The following ABHD2 variants were observed in gnomAD, a reference collection of about 807,000 sequenced individuals.
The protein encoded by ABHD2 is monoacylglycerol lipase ABHD2.
Under a neutral mutation model 48.1 loss-of-function variants are expected in ABHD2, and 20 were observed. The ratio of observed to expected loss-of-function variants is 0.42; its 90% CI spans 0.29 to 0.60. ABHD2 has a LOEUF of 0.60. Ranked by LOEUF, ABHD2 falls within the 20% of genes least tolerant of loss-of-function variation. ABHD2 has a pLI of 0.24. For synonymous variants in ABHD2, 209 were observed against 214.2 expected, an observed-to-expected ratio of 0.98 and a Z score of 0.21; for missense variants, 405 against 550.9, an observed-to-expected ratio of 0.74 and a Z score of 2.65.
In ABHD2 at chr15:89,100,001, C is replaced by A. The variant is rs1368740228; in HGVS notation, c.-107+11438C>A. Reference sequence around the variant, plus strand: ...TAGATTCTAGGATGAGAGTCTTTACCCTAACTTATGGTTCACAGATTTAAT... The same window carrying A: ...TAGATTCTAGGATGAGAGTCTTTACACTAACTTATGGTTCACAGATTTAAT... On this transcript the variant is annotated intron_variant, in intron 1 of 10. Transcript: ENST00000352732. The surrounding 1 kb of genome is among the most constrained non-coding windows in gnomAD (Gnocchi z 4.4). Among the ~76,000 whole-genome samples the A allele has an allele frequency of 6.6e-6, 1 of 152,006 alleles. No individual in the cohort carries two copies. Among genetic ancestry groups the A allele is most frequent in the Non-Finnish European group, 1.5e-5 (1 of 68,002 alleles).
rs1312299146 is a variant in ABHD2, at chr15:89,188,631, A to G, written c.926+328A>G. 6.6e-6 allele frequency among the ~76,000 whole-genome samples: 1 copy of G among 152,212 alleles called. No homozygotes were observed. The highest frequency in any genetic ancestry group is 1.5e-5 in the Non-Finnish European group (1 of 68,048). On this transcript the variant is annotated intron_variant, in intron 8 of 10. Transcript: ENST00000352732. The surrounding 1 kb of genome is among the most constrained non-coding windows in gnomAD (Gnocchi z 4.1). ...CCTGTCCTGCCTCAACACCAGGGCA[A>G]GTGTCAGGTGCCACATAAATCTGCA...
the ABHD2 span, among the ~76,000 whole-genome samples, chr15:89,067,312 G>T: frequency 1.3e-5 from 2 of 152,226 alleles, no homozygotes; most frequent in African/African-American, 2.4e-5. Context: ...TGACAGTTTA[G>T]CATTTTCTTT....
chr15:89,148,684 C>T (rs1372466465), intron 3 of ABHD2, among the ~76,000 whole-genome samples: 2 of 152,238 alleles, frequency 1.3e-5, no homozygotes, highest in African/African-American at 2.4e-5. Context: ...GGCAGTCCTT[C>T]TGCCACCTTC....
chr15:89,144,151 T>G (rs1401910512), intron 3 of ABHD2, among the ~76,000 whole-genome samples: 1 of 152,180 alleles, frequency 6.6e-6, no homozygotes, highest in Non-Finnish European at 1.5e-5. Context: ...TCTTTTTTTT[T>G]GAGATACGGT....
Position 89,201,799 on chromosome 15 carries a change from C to G in ABHD2, c.*6376C>G, listed in dbSNP as rs2051468238. 1 of 1,389,306 alleles carries G rather than the reference C, an allele frequency of 7.2e-7. No homozygotes were observed. Among genetic ancestry groups the G allele is most frequent in the African/African-American group, 1.4e-5 (1 of 69,752 alleles). The allele number at this position is 1,389,306 out of a possible 1,614,324, so 86.1% of individuals were successfully genotyped here. Reference sequence around the variant, plus strand: ...TTCGCCGTGGCCCCGGAGGCAGACGCCATTGGAGAGACAGCGCAGAGCAGG... The same window carrying G: ...TTCGCCGTGGCCCCGGAGGCAGACGGCATTGGAGAGACAGCGCAGAGCAGG... On this transcript the variant is annotated 3_prime_UTR_variant, in exon 11 of 11. Transcript: ENST00000352732.
chr15:89,121,092 G>C (rs185417768), intron 3 of ABHD2, among the ~76,000 whole-genome samples: 13 of 152,288 alleles, frequency 8.5e-5, no homozygotes, highest in Admixed American at 7.8e-4. Context: ...TTTCCTGATG[G>C]CTGCTGGCAA....
chr15:89,051,474 G>C, the ABHD2 span, among the ~76,000 whole-genome samples: 1 of 152,146 alleles, frequency 6.6e-6, no homozygotes, highest in Non-Finnish European at 1.5e-5. Flanking sequence ...AATGGCTCAA[G>C]GGAGGGACAG....
intron 3 of ABHD2, among the ~76,000 whole-genome samples, chr15:89,121,972 G>A (rs542602967): frequency 2.0e-4 from 31 of 152,214 alleles, no homozygotes; most frequent in African/African-American, 7.2e-4. Context: ...GACTACAGGT[G>A]GGCACCACAA....
chr15:89,055,323 C>CT, the ABHD2 span, among the ~76,000 whole-genome samples: 9,793 of 124,710 alleles, frequency 0.079, 436 homozygotes, highest in Non-Finnish European at 0.094. Flanking sequence ...ACACTAGTTT[C>CT]TTTTTTTTTT....
intron 3 of ABHD2, among the ~76,000 whole-genome samples, chr15:89,132,124 T>C (rs2050229402): frequency 6.6e-6 from 1 of 152,008 alleles, no homozygotes. Context: ...TAGTAAAAAC[T>C]GGGAATAGCA....
chr15:89,045,893 T>G, the ABHD2 span, among the ~76,000 whole-genome samples: 1 of 151,912 alleles, frequency 6.6e-6, no homozygotes, highest in Non-Finnish European at 1.5e-5. Flanking sequence ...TTTATTTCCT[T>G]CTCCTGCCTG....
upstream of ABHD2, among the ~76,000 whole-genome samples, chr15:89,085,423 T>G (rs113322205): frequency 4.7e-4 from 72 of 152,178 alleles, 1 homozygote; most frequent in African/African-American, 1.6e-3. This position sits in a 1 kb window ranked among gnomAD's most constrained non-coding sequence, Gnocchi z 4.2. Context: ...ATAATATGAT[T>G]AAACAGAATA....
chr15:89,192,743 C>T (rs2051327915), intron 9 of ABHD2, among the ~76,000 whole-genome samples: 1 of 152,132 alleles, frequency 6.6e-6, no homozygotes, highest in African/African-American at 2.4e-5. Context: ...GGCTGTGGGT[C>T]TCACTATGTT....
At chr15:89,066,737 C>A in the ABHD2 span, among the ~76,000 whole-genome samples, 2 of 152,146 alleles carry the variant, frequency 1.3e-5, no homozygotes, top group African/African-American at 4.8e-5. Flanking sequence ...CAGCAAGATA[C>A]CTTTTCAGTG....
chr15:89,180,519 C>A (rs750447938), intron 6 of ABHD2, among the ~76,000 whole-genome samples: 1 of 152,212 alleles, frequency 6.6e-6, no homozygotes, highest in East Asian at 1.9e-4. Flanking sequence ...ACATGGTTTT[C>A]TTCTGCTCAC....
chr15:89,158,561 G>T (rs554667510), intron 5 of ABHD2, among the ~76,000 whole-genome samples: 1 of 152,334 alleles, frequency 6.6e-6, no homozygotes, highest in South Asian at 2.1e-4. Context: ...CACTGATGCT[G>T]TGTGGCTCGA....
intron 5 of ABHD2, among the ~76,000 whole-genome samples, chr15:89,170,761 C>G (rs1250670905): frequency 6.6e-6 from 1 of 152,150 alleles, no homozygotes; most frequent in Non-Finnish European, 1.5e-5. Flanking sequence ...TTCTAAGTGT[C>G]ATTTTAACTT....
intron 3 of ABHD2, among the ~76,000 whole-genome samples, chr15:89,127,106 C>G (rs111871541): frequency 6.6e-6 from 1 of 152,078 alleles, no homozygotes; most frequent in Non-Finnish European, 1.5e-5. Flanking sequence ...TACCAAGGGC[C>G]GGGTACTCCT....
At position 89,104,163 on chromosome 15, in the gene ABHD2, G is replaced by C. The variant is rs1024686150; in HGVS notation, c.-106-9562G>C. 1.1e-4 allele frequency: 16 copies of C among 152,250 alleles called. No individual in the cohort carries two copies. Among genetic ancestry groups the C allele is most frequent in the African/African-American group, 3.9e-4 (16 of 41,450 alleles). 9.4% of individuals were successfully genotyped at this position (152,250 alleles called of 1,614,324 possible). A position where few individuals can be genotyped will look rare whatever the true frequency, so the allele number is the denominator to read the frequency against. ...CAAGGATCACAGAGCTTTTTCTGCT[G>C]TCTCTCCCTGTGTAACAGGGTCTGG... On this transcript the variant is annotated intron_variant, in intron 1 of 10. Transcript: ENST00000352732. This position sits in a 1 kb window ranked among gnomAD's most constrained non-coding sequence, Gnocchi z 4.4.
Sources: allele counts gnomAD v4.1 joint callset (sites outside exome capture counted in the v4.1 genomes callset), GRCh38; gene constraint gnomAD v4.1.1; non-coding constraint Gnocchi (gnomAD v3.1); transcripts MANE v1.5; gene names NCBI Gene and HGNC (gene_info 2026-07-23, HGNC 2026-07-21).